Variants in SCYL2 observed in about 807,000 individuals in gnomAD.
SCYL2 encodes the protein SCY1-like protein 2.
In SCYL2, 36 loss-of-function variants were observed where a neutral mutation model predicts 100.4. The ratio of observed to expected loss-of-function variants is 0.36; its 90% CI spans 0.27 to 0.47. The LOEUF is 0.47. Among genes scored for constraint, SCYL2 ranks in the 20% least tolerant of loss-of-function variants. The pLI is 1.00. For synonymous variants in SCYL2, 330 were observed against 359.2 expected, an observed-to-expected ratio of 0.92 and a Z score of 0.92; for missense variants, 902 against 1,083.9, an observed-to-expected ratio of 0.83 and a Z score of 2.36.
In SCYL2 at chr12:100,329,279, TTATTCCCCTGAGTATTGA is replaced by T; in HGVS notation, c.1722_1739del (p.Ile575_Glu580del). ...CTGGCCGGAAAAGTGTTGCCTCATCTTATTCCCCTGAGTATTGAAAACAATCTTAATCTTAATCAGGTA... is the reference window on the plus strand; with the variant it reads ...CTGGCCGGAAAAGTGTTGCCTCATCTAAACAATCTTAATCTTAATCAGGTA... On this transcript the variant is annotated inframe_deletion, in exon 13 of 18. Transcript: ENST00000360820. The T allele has an allele frequency of 6.2e-7, 1 of 1,603,590 alleles. No individual in the cohort carries two copies. Among genetic ancestry groups the T allele is most frequent in the Non-Finnish European group, 8.5e-7 (1 of 1,170,674 alleles).
intron 2 of SCYL2, among the ~76,000 whole-genome samples, chr12:100,285,350 GTGT>G (rs1478541804): frequency 6.6e-6 from 1 of 152,196 alleles, no homozygotes; most frequent in African/African-American, 2.4e-5. Flanking sequence ...AGCTATATCT[GTGT>G]TGTTGAACAA....
intron 7 of SCYL2, among the ~76,000 whole-genome samples, chr12:100,314,007 A>G (rs1257352400): frequency 2.0e-5 from 3 of 151,838 alleles, no homozygotes; most frequent in South Asian, 2.1e-4. Flanking sequence ...CAGCCTCCCA[A>G]GTAATTGGGA....
Position 100,340,716 on chromosome 12 carries a change from A to G in SCYL2, c.*1544A>G, listed in dbSNP as rs551490367. The G allele has an allele frequency of 6.6e-6, 1 of 152,214 alleles. No homozygotes were observed. Among genetic ancestry groups the G allele is most frequent in the East Asian group, 1.9e-4 (1 of 5,186 alleles). 9.4% of individuals were successfully genotyped at this position (152,214 alleles called of 1,614,324 possible). On this transcript the variant is annotated 3_prime_UTR_variant, in exon 18 of 18. Coordinates refer to ENST00000360820, the MANE Select transcript of SCYL2 (RefSeq NM_017988.6). ...TTAAAAAATAGAAGTCAGCTTTCAC[A>G]TCTGATTTCTGTATGGGCTGTACTT...
intron 13 of SCYL2, among the ~76,000 whole-genome samples, chr12:100,330,975 T>A (rs1381778299): frequency 6.6e-6 from 1 of 151,868 alleles, no homozygotes; most frequent in Non-Finnish European, 1.5e-5. Flanking sequence ...ATTACAGGCA[T>A]GAGGCACCAT....
At chr12:100,295,410 T>G (rs1000265093) in intron 3 of SCYL2, among the ~76,000 whole-genome samples, 1 of 152,058 alleles carries the variant, frequency 6.6e-6, no homozygotes, top group African/African-American at 2.4e-5. Context: ...GGGGCACCAT[T>G]GAGCACTGAG....
At chr12:100,313,718 A>G (rs1342625985) in intron 7 of SCYL2, among the ~76,000 whole-genome samples, 180 bp downstream of exon 7, 1 of 152,234 alleles carries the variant, frequency 6.6e-6, no homozygotes, top group Non-Finnish European at 1.5e-5. Context: ...TGTATTAAAT[A>G]TTCAATTTTG....
chr12:100,276,424 C>T (rs568029951), intron 1 of SCYL2, among the ~76,000 whole-genome samples: 1 of 152,174 alleles, frequency 6.6e-6, no homozygotes, highest in African/African-American at 2.4e-5. Context: ...CCTTGATCTC[C>T]CAGGCTTAAG....
At chr12:100,304,840 C>CG (rs1441442382) in intron 4 of SCYL2, among the ~76,000 whole-genome samples, 1 of 151,160 alleles carries the variant, frequency 6.6e-6, no homozygotes, top group African/African-American at 2.4e-5. Flanking sequence ...AAAAAAAAAG[C>CG]GGGGGTTGCA....
chr12:100,292,045 C>G (rs2096311294), intron 3 of SCYL2: 1 of 161,018 alleles, frequency 6.2e-6, no homozygotes, highest in Non-Finnish European at 1.3e-5. Flanking sequence ...GTGTGTGTGC[C>G]AACTACTGTT....
intron 10 of SCYL2, among the ~76,000 whole-genome samples, chr12:100,318,720 TAG>T (rs999984834): frequency 6.6e-6 from 1 of 152,244 alleles, no homozygotes; most frequent in African/African-American, 2.4e-5. Context: ...GTTTTCTATG[TAG>T]AGATGCTGTT....
In SCYL2 at chr12:100,298,162, A is replaced by G; in HGVS notation, c.467A>G (p.Tyr156Cys). 6.4e-7 allele frequency: 1 copy of G among 1,560,938 alleles called. No individual in the cohort carries two copies. ...AAACTTTATGATGTAGAAACCAAAT[A>G]TGGTTTGCTTCAGGTATGTATTTTT... ...DYKLYDVETK[Y>C]GLLQVSEGLS... The change falls in exon 4 of 18, where the codon TAT becomes TGT. Residue 156 changes from tyrosine (Y) to cysteine (C), a missense_variant. Physicochemically the swap from Tyr to Cys is radical, Grantham distance 194. Transcript: ENST00000360820.
rs1361917894 is a variant in SCYL2, at chr12:100,298,011, CT to C, written c.336-15del. On this transcript the variant is annotated intron_variant, in intron 3 of 17. Coordinates refer to ENST00000360820, the MANE Select transcript of SCYL2 (RefSeq NM_017988.6). ...TGTGTAATAATATGATAGTAAATAA[CT>C]TTTTCTTTTTTAAAACAGGGATTGC... The C allele has an allele frequency of 6.3e-7, 1 of 1,587,620 alleles. No individual in the cohort carries two copies.
chr12:100,294,462 C>T (rs2096315427), intron 3 of SCYL2, among the ~76,000 whole-genome samples: 1 of 111,858 alleles, frequency 8.9e-6, no homozygotes, highest in Non-Finnish European at 1.9e-5. Flanking sequence ...GGCGGCCGGG[C>T]AGAGGCGCCC....
chr12:100,313,478 T>C lies in SCYL2; in HGVS notation c.909T>C (p.His303=), dbSNP rs2096344695. 1 of 1,602,480 alleles carries C rather than the reference T, an allele frequency of 6.2e-7. No individual in the cohort carries two copies. ...LTNIPEEVRE[H]VKLLLNVTPT... is the part of the protein sequence containing the mutation. Reference sequence around the variant, plus strand: ...ATATACCTGAGGAAGTTCGTGAACATGTAAAGCTACTGTTAAATGTAACTC... The same window carrying C: ...ATATACCTGAGGAAGTTCGTGAACACGTAAAGCTACTGTTAAATGTAACTC... Residue 303 remains histidine (H), a synonymous_variant, in exon 7 of 18, where the codon CAT becomes CAC. Coordinates refer to ENST00000360820, the MANE Select transcript of SCYL2 (RefSeq NM_017988.6).
rs543900722 is a variant in SCYL2 at position 100,303,010 on chromosome 12, G to A, written c.480+4835G>A. On this transcript the variant is annotated intron_variant, in intron 4 of 17. Transcript: ENST00000360820. Reference sequence around the variant, plus strand: ...CTTTATTTCATCAAGTTGATCTTCAGTCTCTGATATCCTTTCTTCCGCTTG... The same window carrying A: ...CTTTATTTCATCAAGTTGATCTTCAATCTCTGATATCCTTTCTTCCGCTTG... Among the ~76,000 whole-genome samples the A allele has an allele frequency of 1.3e-4, 20 of 152,054 alleles. No homozygotes were observed. The South Asian group carries it at 3.9e-3, about 30-fold the overall frequency.
chr12:100,294,287 G>A (rs1437977932), intron 3 of SCYL2, among the ~76,000 whole-genome samples: 41 of 124,642 alleles, frequency 3.3e-4, no homozygotes, highest in African/African-American at 7.9e-4. Flanking sequence ...CGGACGGGGC[G>A]GCTGGCCGGG....
chr12:100,279,447 T>C (rs1412153813), intron 1 of SCYL2, among the ~76,000 whole-genome samples: 2 of 152,240 alleles, frequency 1.3e-5, no homozygotes, highest in Non-Finnish European at 2.9e-5. Flanking sequence ...TCTACTGTTG[T>C]ATAAGTCACA....
intron 13 of SCYL2, among the ~76,000 whole-genome samples, chr12:100,330,932 A>G (rs1952201968): frequency 6.6e-6 from 1 of 150,674 alleles, no homozygotes; most frequent in South Asian, 2.1e-4. Flanking sequence ...TGGTTCAAGC[A>G]ATTCTCATGC....
At chr12:100,333,993 A>G (rs1016201083) in intron 13 of SCYL2, 173 bp from the exon 14 acceptor site, 3 of 492,158 alleles carry the variant, frequency 6.1e-6, no homozygotes, top group African/African-American at 2.0e-5. Flanking sequence ...AAAGCTTGCT[A>G]TGATATGCCG....
Sources: allele counts gnomAD v4.1 joint callset (sites outside exome capture counted in the v4.1 genomes callset), GRCh38; gene constraint gnomAD v4.1.1; transcripts MANE v1.5; gene names NCBI Gene and HGNC (gene_info 2026-07-23, HGNC 2026-07-21).